Variants in MDFIC2 observed in about 807,000 individuals in gnomAD.
The protein encoded by MDFIC2 is MyoD family inhibitor domain containing 2.
chr3:70,199,772 G>A (rs1048201210), intron 3 of MDFIC2, among the ~76,000 whole-genome samples: 15 of 152,106 alleles, frequency 9.9e-5, no homozygotes, highest in African/African-American at 3.6e-4. Context: ...ATTTCCTGGT[G>A]CTTTAATGTT....
chr3:70,300,499 GTAGT>G (rs1200529721), intron 2 of MDFIC2, among the ~76,000 whole-genome samples: 1 of 151,866 alleles, frequency 6.6e-6, no homozygotes, highest in Non-Finnish European at 1.5e-5. Flanking sequence ...TTCCAGCAAT[GTAGT>G]TATATACATA....
intron 2 of MDFIC2, among the ~76,000 whole-genome samples, chr3:70,295,535 T>G (rs951706559): frequency 6.6e-6 from 1 of 151,978 alleles, no homozygotes; most frequent in Non-Finnish European, 1.5e-5. Context: ...AGATCCCGTC[T>G]CTACAAAAAA....
At chr3:70,303,020 C>A (rs1702365528) in intron 2 of MDFIC2, among the ~76,000 whole-genome samples, 2 of 152,126 alleles carry the variant, frequency 1.3e-5, no homozygotes, top group Admixed American at 1.3e-4. Flanking sequence ...TTAAAGTTAT[C>A]AGAGAATCAA....
At chr3:70,243,134 T>C (rs1701677386) in intron 2 of MDFIC2, among the ~76,000 whole-genome samples, 1 of 152,188 alleles carries the variant, frequency 6.6e-6, no homozygotes, top group Non-Finnish European at 1.5e-5. Context: ...TAGACTATAT[T>C]GTTTCCTGTG....
At chr3:70,264,239 C>G (rs1263598642) in intron 2 of MDFIC2, among the ~76,000 whole-genome samples, 1 of 152,214 alleles carries the variant, frequency 6.6e-6, no homozygotes, top group Non-Finnish European at 1.5e-5. Flanking sequence ...CTTGACCTCT[C>G]TTGACCTTAA....
At chr3:70,245,716 C>A (rs1201220779) in intron 2 of MDFIC2, among the ~76,000 whole-genome samples, 2 of 69,774 alleles carry the variant, frequency 2.9e-5, no homozygotes, top group African/African-American at 9.1e-5. Flanking sequence ...TATATATATA[C>A]ACATTCAAAT....
At chr3:70,263,295 T>C (rs1288377478) in intron 2 of MDFIC2, among the ~76,000 whole-genome samples, 1 of 152,054 alleles carries the variant, frequency 6.6e-6, no homozygotes, top group Non-Finnish European at 1.5e-5. Flanking sequence ...TTTAAAAAAA[T>C]ATTCTTTTAA....
chr3:70,309,590 A>G (rs923666377), intron 2 of MDFIC2, among the ~76,000 whole-genome samples: 1 of 152,150 alleles, frequency 6.6e-6, no homozygotes, highest in Admixed American at 6.6e-5. Context: ...TTTAGAAACC[A>G]TGCCTGCCTG....
chr3:70,241,842 T>A (rs1287748121), intron 2 of MDFIC2, among the ~76,000 whole-genome samples: 1 of 152,230 alleles, frequency 6.6e-6, no homozygotes, highest in Non-Finnish European at 1.5e-5. Flanking sequence ...TGAAGTGATT[T>A]GCTCAAGCTC....
At chr3:70,276,741 C>A (rs1041106458) in intron 2 of MDFIC2, among the ~76,000 whole-genome samples, 7 of 152,200 alleles carry the variant, frequency 4.6e-5, no homozygotes, top group African/African-American at 1.7e-4. Context: ...TATGTATTAT[C>A]TGTGTTTTCA....
intron 2 of MDFIC2, among the ~76,000 whole-genome samples, chr3:70,245,715 A>ATT (rs1491571783): frequency 1.5e-5 from 2 of 135,714 alleles, no homozygotes; most frequent in Non-Finnish European, 3.2e-5. Context: ...ATATATATAT[A>ATT]CACATTCAAA....
chr3:70,311,754 A>G, intron 2 of MDFIC2, 132 bp downstream of exon 2: 1 of 385,372 alleles, frequency 2.6e-6, no homozygotes, highest in Non-Finnish European at 4.6e-6. Context: ...AAAAAAAAAG[A>G]AAAGAGTGAA....
chr3:70,227,049 A>G (rs962589610), intron 2 of MDFIC2, among the ~76,000 whole-genome samples: 1 of 152,198 alleles, frequency 6.6e-6, no homozygotes, highest in Non-Finnish European at 1.5e-5. Context: ...AATATACCAT[A>G]TGCAGACATA....
chr3:70,298,928 C>T (rs1522341), intron 2 of MDFIC2, among the ~76,000 whole-genome samples: 43,136 of 151,888 alleles, frequency 0.28, 6,347 homozygotes, highest in South Asian at 0.41. Flanking sequence ...TAAAAAAGCA[C>T]GGTAATACTT....
At chr3:70,197,784 G>A (rs1013775787) in intron 3 of MDFIC2, among the ~76,000 whole-genome samples, 6 of 152,134 alleles carry the variant, frequency 3.9e-5, no homozygotes, top group Non-Finnish European at 7.4e-5. Flanking sequence ...TTTCCCTCCA[G>A]TTATGTAAAG....
chr3:70,262,325 G>T (rs889363789), intron 2 of MDFIC2, among the ~76,000 whole-genome samples: 1 of 152,176 alleles, frequency 6.6e-6, no homozygotes. Context: ...AATAGAAAAT[G>T]ATGCATTGCT....
chr3:70,272,306 C>T (rs895446723), intron 2 of MDFIC2: 5 of 152,344 alleles, frequency 3.3e-5, no homozygotes, highest in African/African-American at 9.6e-5. Flanking sequence ...CCAGCCAGCC[C>T]CCAGGCAATC....
intron 2 of MDFIC2, among the ~76,000 whole-genome samples, chr3:70,311,529 A>T (rs1435052434): frequency 6.6e-6 from 1 of 152,204 alleles, no homozygotes; most frequent in Non-Finnish European, 1.5e-5. Flanking sequence ...ATTATTATTT[A>T]AAAATACTTG....
chr3:70,265,559 G>A lies in MDFIC2; in HGVS notation c.88+46327C>T, dbSNP rs187958570. Among the ~76,000 whole-genome samples the A allele has an allele frequency of 2.0e-5, 3 of 152,194 alleles. No homozygotes were observed. In the East Asian group the frequency reaches 5.8e-4, roughly 29 times the overall value. ...TCCCAGCCATCTCAGGACTTTTAGG[G>A]TGGGGTTGCATTATCAAGGTGCTTC... On this transcript the variant is annotated intron_variant, in intron 2 of 3. Coordinates refer to ENST00000567252, the MANE Select transcript of MDFIC2 (RefSeq NM_001364677.1).
Sources: gnomAD v4.1 joint callset for allele counts (sites outside exome capture counted in the v4.1 genomes callset) on GRCh38, gnomAD v4.1.1 for gene constraint, MANE v1.5 for transcripts, NCBI Gene and HGNC (gene_info 2026-07-23, HGNC 2026-07-21) for gene names.